The following EZH2 variants were observed in gnomAD, a reference collection of about 807,000 sequenced individuals.
The protein encoded by EZH2 is enhancer of zeste 2 polycomb repressive complex 2 subunit, also known as histone-lysine N-methyltransferase EZH2.
In EZH2, 18 loss-of-function variants were observed where a neutral mutation model predicts 98.4. The ratio of observed to expected loss-of-function variants is 0.18; its 90% confidence interval spans 0.13 to 0.27. The LOEUF (loss-of-function observed/expected upper bound fraction) is 0.27. Among genes scored for constraint, EZH2 ranks in the 10% least tolerant of loss-of-function variants. The pLI is 1.00. For synonymous variants in EZH2, 338 were observed against 312.3 expected, an observed-to-expected ratio of 1.08 and a Z score of -0.87; for missense variants, 470 against 935.1, an observed-to-expected ratio of 0.50 and a Z score of 6.49.
At position 148,811,651 on chromosome 7, in the gene EZH2, C is replaced by G. The variant is rs753739962; in HGVS notation, c.1921G>C (p.Glu641Gln). 5.6e-6 allele frequency: 9 copies of G among 1,613,658 alleles called. No homozygotes were observed. The highest frequency in any genetic ancestry group is 7.6e-6 in the Non-Finnish European group (9 of 1,180,006). Residue 641 changes from glutamate (E) to glutamine (Q), a missense_variant, in exon 16 of 20, where the codon GAA becomes CAA. Transcript: ENST00000320356. ...IFIKDPVQKNEFISEYCGEII... is the reference protein window; with the variant it reads ...IFIKDPVQKNQFISEYCGEII... Reference sequence around the variant, plus strand: ...TCTCCACAGTATTCTGAGATGAATTCATTTTTCTGCACAGGATCTTTGATA... The same window carrying G: ...TCTCCACAGTATTCTGAGATGAATTGATTTTTCTGCACAGGATCTTTGATA...
intron 16 of EZH2, among the ~76,000 whole-genome samples, chr7:148,810,821 G>A (rs564935899): frequency 7.3e-5 from 11 of 151,630 alleles, no homozygotes; most frequent in Admixed American, 2.0e-4. Flanking sequence ...GCTTGAACCC[G>A]GGAGGCTGAG....
At chr7:148,868,751 T>C (rs1244634277) in intron 1 of EZH2, among the ~76,000 whole-genome samples, 1 of 152,220 alleles carries the variant, frequency 6.6e-6, no homozygotes, top group African/African-American at 2.4e-5. Flanking sequence ...TCCATTAGTA[T>C]AGAATGTCTC....
intron 2 of EZH2, 61 bp from the exon 3 acceptor site, chr7:148,846,659 C>T: frequency 6.7e-7 from 1 of 1,493,830 alleles, no homozygotes; most frequent in Non-Finnish European, 9.2e-7. Flanking sequence ...AAATGTATAA[C>T]ACCTGTAAAG....
chr7:148,871,403 T>TAAAAAA (rs71529646), intron 1 of EZH2, among the ~76,000 whole-genome samples: 337 of 88,296 alleles, frequency 3.8e-3, no homozygotes, highest in Middle Eastern at 9.4e-3. Context: ...GACGAATAAT[T>TAAAAAA]AAAAAAAAAA....
At chr7:148,858,649 C>T (rs942736589) in intron 1 of EZH2, among the ~76,000 whole-genome samples, 8 of 152,228 alleles carry the variant, frequency 5.3e-5, no homozygotes, top group Middle Eastern at 3.4e-3. Context: ...CTCAGCCTCT[C>T]GAGTAGCTGG....
At position 148,814,080 on chromosome 7, in the gene EZH2, G is replaced by A. The variant is rs1554486390; in HGVS notation, c.1730C>T (p.Pro577Leu). ...CKAQCNTKQC[P>L]CYLAVRECDP... The stretch of plus-strand genomic sequence containing the variant: ...ACACTCTCGGACAGCCAGGTAGCAC[G>A]GGCACTGCTTGGTGTTGCACTGTGC... The change falls in exon 15 of 20, where the codon CCG becomes CTG. Residue 577 changes from proline to leucine, a missense_variant. Pro to Leu is a moderately conservative substitution (Grantham distance 98, BLOSUM62 -3). This residue lies in a region of EZH2 where 106 missense variants were observed against 327.2 expected (regional missense o/e 0.32). Coordinates refer to ENST00000320356, the MANE Select transcript of EZH2 (RefSeq NM_004456.5). The A allele has an allele frequency of 6.2e-7, 1 of 1,614,120 alleles. No individual in the cohort carries two copies. Among genetic ancestry groups the A allele is most frequent in the Non-Finnish European group, 8.5e-7 (1 of 1,180,024 alleles).
In EZH2 at chr7:148,807,736, G is replaced by T. The variant is rs376441732; in HGVS notation, c.2196-30C>A. 98 of 1,525,656 alleles carry T rather than the reference G, an allele frequency of 6.4e-5. No individual in the cohort carries two copies. In the African/African-American group the frequency reaches 1.2e-3, roughly 19 times the overall value. The allele number at this position is 1,525,656 out of a possible 1,614,324, so 94.5% of individuals were successfully genotyped here. A position where few individuals can be genotyped will look rare whatever the true frequency, so the allele number is the denominator to read the frequency against. ...AACAACAGGAAGGAGATGTCCGCTG[G>T]ATGGCCACCCATCCAACATGTGCTG... On this transcript the variant is annotated intron_variant, in intron 19 of 19. Transcript: ENST00000320356.
rs115728259 is a variant in EZH2 at position 148,874,416 on chromosome 7, C to A, written c.-8+9748G>T. 2.2e-3 allele frequency among the ~76,000 whole-genome samples: 332 copies of A among 151,742 alleles called. 2 individuals are homozygous for A. Among genetic ancestry groups the A allele is most frequent in the African/African-American group, 7.6e-3 (316 of 41,412 alleles). On this transcript the variant is annotated intron_variant, in intron 1 of 19. Coordinates refer to ENST00000320356, the MANE Select transcript of EZH2 (RefSeq NM_004456.5). ...TAAAAAAGCAAAGAAAAAAAAAACA[C>A]CTATCAGAGATAATACTAATTCAGA...
At chr7:148,821,897 T>C (rs1256988363) in intron 8 of EZH2, among the ~76,000 whole-genome samples, 1 of 152,158 alleles carries the variant, frequency 6.6e-6, no homozygotes, top group South Asian at 2.1e-4. Flanking sequence ...AAAACAAGAA[T>C]TGCCAGGAGA....
At chr7:148,879,316 C>T (rs554012551) in intron 1 of EZH2, among the ~76,000 whole-genome samples, 5 of 152,188 alleles carry the variant, frequency 3.3e-5, no homozygotes, top group South Asian at 2.1e-4. Context: ...TTTGGGAGGA[C>T]GAGGCAGGTC....
chr7:148,828,758 G>C lies in EZH2; in HGVS notation c.607C>G (p.Leu203Val), dbSNP rs1808472452. 6.2e-7 allele frequency: 1 copy of C among 1,613,416 alleles called. No homozygotes were observed. The highest frequency in any genetic ancestry group is 8.5e-7 in the Non-Finnish European group (1 of 1,179,896). The change falls in exon 6 of 20, where the codon CTG becomes GTG. Residue 203 changes from leucine (L) to valine (V), a missense_variant. Leu to Val is a conservative substitution (Grantham distance 32). Transcript: ENST00000320356. ...PEEREEKQKD[L>V]EDHRDDKESR... is the part of the protein sequence containing the mutation. The stretch of plus-strand genomic sequence containing the variant: ...GGCATACCATCTCGGTGATCCTCCA[G>C]ATCTTTCTGCTTTTCTTCTCTTTCT...
chr7:148,812,330 A>C (rs1803320858), intron 15 of EZH2, among the ~76,000 whole-genome samples: 1 of 152,218 alleles, frequency 6.6e-6, no homozygotes, highest in African/African-American at 2.4e-5. Flanking sequence ...TTTTCAGCAG[A>C]AATGCCAAGA....
intron 1 of EZH2, among the ~76,000 whole-genome samples, chr7:148,849,981 C>T (rs983406307): frequency 6.6e-6 from 1 of 152,114 alleles, no homozygotes; most frequent in Non-Finnish European, 1.5e-5. Context: ...AGGGTAGTAA[C>T]GTGTTTAGTT....
intron 1 of EZH2, among the ~76,000 whole-genome samples, chr7:148,867,789 T>C (rs566463858): frequency 2.6e-5 from 4 of 152,358 alleles, no homozygotes; most frequent in African/African-American, 9.6e-5. Flanking sequence ...CTTATGCAAA[T>C]GAGCACAGGC....
intron 1 of EZH2, among the ~76,000 whole-genome samples, chr7:148,867,911 G>C (rs1224666357): frequency 6.6e-6 from 1 of 152,194 alleles, no homozygotes; most frequent in Non-Finnish European, 1.5e-5. Context: ...TAGAGCAGGA[G>C]CACAATGCTG....
chr7:148,861,605 A>T (rs893481365), intron 1 of EZH2, among the ~76,000 whole-genome samples: 4 of 152,092 alleles, frequency 2.6e-5, no homozygotes, highest in African/African-American at 9.7e-5. Context: ...TGAACCTGAA[A>T]ATATGGAGGG....
chr7:148,880,038 G>A (rs1460861512), intron 1 of EZH2, among the ~76,000 whole-genome samples: 1 of 152,248 alleles, frequency 6.6e-6, no homozygotes, highest in Non-Finnish European at 1.5e-5. Flanking sequence ...GAGCCCAGGA[G>A]TTTAAGGATG....
At chr7:148,881,970 GCGCACA>G (rs1290309793) in intron 1 of EZH2, among the ~76,000 whole-genome samples, 35 of 47,580 alleles carry the variant, frequency 7.4e-4, no homozygotes, top group African/African-American at 1.8e-3. Context: ...ACACACGCGC[GCGCACA>G]CACACACACA....
At chr7:148,879,413 G>A (rs1820637665) in intron 1 of EZH2, among the ~76,000 whole-genome samples, 1 of 151,898 alleles carries the variant, frequency 6.6e-6, no homozygotes, top group Admixed American at 6.6e-5. Context: ...ATCGGAGGCT[G>A]GGCACAGTGA....
Sources: allele counts gnomAD v4.1 joint callset (sites outside exome capture counted in the v4.1 genomes callset), GRCh38; gene constraint gnomAD v4.1.1; regional missense constraint gnomAD v4.1.1; transcripts MANE v1.5; gene names NCBI Gene and HGNC (gene_info 2026-07-23, HGNC 2026-07-21).